KIF13B: variants seen among roughly 807,000 people sequenced by gnomAD.
The protein encoded by KIF13B is kinesin family member 13B, also known as kinesin-like protein KIF13B.
A neutral mutation model predicts 222.0 loss-of-function variants in KIF13B; 127 were observed. That is an observed-to-expected ratio of 0.57 (90% confidence interval 0.50 to 0.66). The LOEUF (loss-of-function observed/expected upper bound fraction) is 0.66. Among genes scored for constraint, KIF13B ranks in the 30% least tolerant of loss-of-function variants. The pLI is 0.00. For synonymous variants in KIF13B, 976 were observed against 919.0 expected, an observed-to-expected ratio of 1.06 and a Z score of -1.12; for missense variants, 2,173 against 2,379.0, an observed-to-expected ratio of 0.91 and a Z score of 1.80.
chr8:29,243,574 T>G (rs1394540399), intron 2 of KIF13B, among the ~76,000 whole-genome samples: 2 of 151,334 alleles, frequency 1.3e-5, no homozygotes, highest in Admixed American at 6.6e-5. Flanking sequence ...GAGAATTGCT[T>G]GAGCCCAGGA....
In KIF13B at chr8:29,150,418, T is replaced by TACAG. The variant is rs766151483; in HGVS notation, c.1536-39_1536-36dup. On this transcript the variant is annotated intron_variant, in intron 14 of 39. Transcript: ENST00000524189. ...GAAGAGATCAAACGTGAATGATGAG[T>TACAG]ACAGTATCATGTCTTCTGCTTTAAT... 1.0e-5 allele frequency: 10 copies of TACAG among 999,284 alleles called. No individual in the cohort carries two copies. The Middle Eastern group carries it at 6.2e-4, about 61-fold the overall frequency. 61.9% of individuals were successfully genotyped at this position (999,284 alleles called of 1,614,324 possible). A position where few individuals can be genotyped will look rare whatever the true frequency, so the allele number is the denominator to read the frequency against.
At chr8:29,085,809 C>T (rs1490259243) in intron 37 of KIF13B, among the ~76,000 whole-genome samples, 2 of 110,506 alleles carry the variant, frequency 1.8e-5, no homozygotes, top group Non-Finnish European at 3.3e-5. Flanking sequence ...GTGATAGCAC[C>T]ATTGCACTCC....
chr8:29,108,188 G>C lies in KIF13B; in HGVS notation c.4166C>G (p.Ser1389Cys), dbSNP rs767009385. 1 of 1,611,998 alleles carries C rather than the reference G, an allele frequency of 6.2e-7. No individual in the cohort carries two copies. Among genetic ancestry groups the C allele is most frequent in the Non-Finnish European group, 8.5e-7 (1 of 1,179,028 alleles). ...TGGAATGAGATCTTGTCGGCTTCCA[G>C]ACAACTGAAGAAGAAAGAAAGGGGG... ...SISSPNVNRL[S>C]GSRQDLIPSY... Residue 1389 changes from serine to cysteine, a missense_variant, in exon 35 of 40, where the codon TCT (serine) becomes TGT (cysteine). By Grantham distance (112) the Ser-to-Cys change is moderately radical. Transcript: ENST00000524189.
At chr8:29,121,718 A>C (rs1393868109) in intron 29 of KIF13B, among the ~76,000 whole-genome samples, 1 of 149,926 alleles carries the variant, frequency 6.7e-6, no homozygotes, top group East Asian at 2.0e-4. Flanking sequence ...GATCTAATTA[A>C]ACTAAAGAGC....
chr8:29,099,566 G>A (rs1022558209), intron 35 of KIF13B, among the ~76,000 whole-genome samples: 9 of 152,008 alleles, frequency 5.9e-5, no homozygotes, highest in Non-Finnish European at 7.4e-5. Context: ...TTGTAGAGAC[G>A]GGATGTCACT....
At chr8:29,143,795 A>C (rs1462532919) in intron 18 of KIF13B, among the ~76,000 whole-genome samples, 1 of 152,138 alleles carries the variant, frequency 6.6e-6, no homozygotes, top group Non-Finnish European at 1.5e-5. Flanking sequence ...GTGAGCCGAG[A>C]TCGCGCCACT....
At chr8:29,175,961 C>T (rs1418568319) in intron 10 of KIF13B, 107 bp downstream of exon 10, 2 of 693,352 alleles carry the variant, frequency 2.9e-6, no homozygotes, top group Non-Finnish European at 2.6e-6. Context: ...TACATTTGCA[C>T]ACCGATAGAG....
At chr8:29,162,597 A>T (rs754564599) in intron 12 of KIF13B, among the ~76,000 whole-genome samples, 1 of 152,228 alleles carries the variant, frequency 6.6e-6, no homozygotes, top group Non-Finnish European at 1.5e-5. Flanking sequence ...ACTGTTTTAC[A>T]CTACTTCCCT....
At chr8:29,245,059 C>T (rs1285734022) in intron 2 of KIF13B, among the ~76,000 whole-genome samples, 1 of 152,230 alleles carries the variant, frequency 6.6e-6, no homozygotes, top group East Asian at 1.9e-4. Context: ...AATCCTCCAG[C>T]CAGCTGCACC....
At chr8:29,112,406 C>T (rs12543496) in intron 32 of KIF13B, among the ~76,000 whole-genome samples, 1 of 142,968 alleles carries the variant, frequency 7.0e-6, no homozygotes, top group Non-Finnish European at 1.5e-5. Flanking sequence ...GCACTCCAAC[C>T]TGGTGACAGA....
chr8:29,199,269 C>T (rs1813579053), intron 2 of KIF13B, among the ~76,000 whole-genome samples: 2 of 152,028 alleles, frequency 1.3e-5, no homozygotes, highest in Admixed American at 1.3e-4. Flanking sequence ...GATGAAAGGC[C>T]TCACTTTAGA....
chr8:29,127,178 T>C lies in KIF13B; in HGVS notation c.3166A>G (p.Ile1056Val). 6.2e-7 allele frequency: 1 copy of C among 1,613,996 alleles called. No homozygotes were observed. Among genetic ancestry groups the C allele is most frequent in the Non-Finnish European group, 8.5e-7 (1 of 1,179,866 alleles). The part of the protein sequence containing the change: ...LMEECILSVG[I>V]GCVKVRPLRA... Reference sequence around the variant, plus strand: ...AGCGGTCTAACTTTGACACATCCAATGCCAACAGACAGTATACATTCTTCC... The same window carrying C: ...AGCGGTCTAACTTTGACACATCCAACGCCAACAGACAGTATACATTCTTCC... The change falls in exon 25 of 40, where the codon ATT becomes GTT. Residue 1056 changes from isoleucine (I) to valine (V), a missense_variant. Ile to Val is a conservative substitution (Grantham distance 29). This residue lies in a region of KIF13B where 1,480 missense variants were observed against 1,722.8 expected (regional missense o/e 0.86). Transcript: ENST00000524189.
chr8:29,073,650 T>C (rs368654270), intron 38 of KIF13B, among the ~76,000 whole-genome samples: 1 of 152,224 alleles, frequency 6.6e-6, no homozygotes, highest in African/African-American at 2.4e-5. Context: ...CATTTTCCAT[T>C]TGAAATACGG....
chr8:29,190,095 A>AT (rs1434914483), intron 4 of KIF13B: 3 of 152,218 alleles, frequency 2.0e-5, no homozygotes, highest in Non-Finnish European at 4.4e-5. Flanking sequence ...ATGTTGGGGC[A>AT]TTTTAGCCTC....
intron 4 of KIF13B, among the ~76,000 whole-genome samples, chr8:29,189,070 G>A (rs1435672182): frequency 1.3e-5 from 2 of 152,078 alleles, no homozygotes; most frequent in Non-Finnish European, 2.9e-5. Context: ...TACCAGTTAG[G>A]ACAGGGAGTC....
At chr8:29,077,432 G>T (rs1807616528) in intron 37 of KIF13B, among the ~76,000 whole-genome samples, 2 of 152,232 alleles carry the variant, frequency 1.3e-5, no homozygotes, top group Non-Finnish European at 2.9e-5. Context: ...ATGGGAAGGT[G>T]TTCAAGGGTA....
At chr8:29,113,950 G>A (rs542768257) in intron 31 of KIF13B, among the ~76,000 whole-genome samples, 2 of 152,308 alleles carry the variant, frequency 1.3e-5, no homozygotes, top group East Asian at 1.9e-4. Context: ...TCCCCAGCAC[G>A]ATGGACATCT....
At chr8:29,142,340 A>G (rs1482867444) in intron 18 of KIF13B, 37 bp from the exon 19 acceptor site, 1 of 1,579,850 alleles carries the variant, frequency 6.3e-7, no homozygotes, top group Non-Finnish European at 8.6e-7. Flanking sequence ...AGAAACACAC[A>G]GGCAGCGGGG....
rs1345486265 is a variant in KIF13B, at chr8:29,148,719, G to A, written c.1671C>T (p.Asp557=). Residue 557 remains aspartate (D), a synonymous_variant, in exon 16 of 40, where the codon GAC becomes GAT. Coordinates refer to ENST00000524189, the MANE Select transcript of KIF13B (RefSeq NM_015254.4). ...TCTCGTTCTTCATGGAGGGATCCTGGTCCTCATCCTCTCGTTCTGCTTTCT... is the reference window on the plus strand; with the variant it reads ...TCTCGTTCTTCATGGAGGGATCCTGATCCTCATCCTCTCGTTCTGCTTTCT... ...KKKKAEREDE[D]QDPSMKNENS... The A allele has an allele frequency of 1.2e-6, 2 of 1,607,706 alleles. No homozygotes were observed. The highest frequency in any genetic ancestry group is 1.3e-5 in the African/African-American group (1 of 74,714).
Sources: allele counts gnomAD v4.1 joint callset (sites outside exome capture counted in the v4.1 genomes callset), GRCh38; gene constraint gnomAD v4.1.1; regional missense constraint gnomAD v4.1.1; transcripts MANE v1.5; gene names NCBI Gene and HGNC (gene_info 2026-07-23, HGNC 2026-07-21).